Variants in UTS2 observed in about 807,000 individuals in gnomAD.
The protein encoded by UTS2 is urotensin-2.
In UTS2, 10 loss-of-function variants were observed where a neutral mutation model predicts 12.6. The observed-to-expected ratio is 0.80, with a 90% CI of 0.49 to 1.35. The LOEUF (loss-of-function observed/expected upper bound fraction) is 1.35. Ranked by LOEUF, UTS2 falls within the 40% of genes most tolerant of loss-of-function variation. The pLI is 0.00. For synonymous variants in UTS2, 52 were observed against 50.0 expected (o/e 1.04, Z -0.17); for missense variants, 142 against 143.2 (o/e 0.99, Z 0.04).
At chr1:7,857,053 T>C (rs1230125171), upstream of UTS2, among the ~76,000 whole-genome samples, 8 of 123,222 alleles carry the variant, frequency 6.5e-5, no homozygotes, top group East Asian at 1.9e-3. Context: ...AAAGGAAGAC[T>C]CTGTAGGAAA....
chr1:7,862,725 C>T, the UTS2 span, among the ~76,000 whole-genome samples: 1 of 152,108 alleles, frequency 6.6e-6, no homozygotes, highest in Non-Finnish European at 1.5e-5. Flanking sequence ...GCCCCGCACC[C>T]CAGGGAGGGC....
At chr1:7,872,385 T>C in the UTS2 span, among the ~76,000 whole-genome samples, 4 of 148,596 alleles carry the variant, frequency 2.7e-5, no homozygotes, top group Non-Finnish European at 5.9e-5. Flanking sequence ...GAAGAAGACA[T>C]GTTGAAAGCT....
chr1:7,871,619 C>G, the UTS2 span, among the ~76,000 whole-genome samples: 1 of 151,986 alleles, frequency 6.6e-6, no homozygotes, highest in Admixed American at 6.5e-5. Flanking sequence ...GTGTATCGAG[C>G]AAGTCTATCA....
chr1:7,884,840 A>C, the UTS2 span, among the ~76,000 whole-genome samples: 6,155 of 141,738 alleles, frequency 0.043, 344 homozygotes, highest in African/African-American at 0.15. Context: ...CACCCATCAT[A>C]CACCCACCAT....
In UTS2 at chr1:7,849,619, CTCATAAATAGAG is replaced by C; in HGVS notation, c.258+9_258+20del. On this transcript the variant is annotated intron_variant, in intron 3 of 3. Transcript: ENST00000361696. ...AGAATGTTCACCTTTTTAAACCTAA[CTCATAAATAGAG>C]TCACTTACCTTTCTCAAATTTCCTC... 1 of 1,599,612 alleles carries C rather than the reference CTCATAAATAGAG, an allele frequency of 6.3e-7. No homozygotes were observed. The highest frequency in any genetic ancestry group is 8.5e-7 in the Non-Finnish European group (1 of 1,172,080).
chr1:7,853,214 G>T (rs1224352534), upstream of UTS2: 2 of 1,567,822 alleles, frequency 1.3e-6, no homozygotes, highest in Admixed American at 1.8e-5. Context: ...ACAAGTCATA[G>T]ACAATAAATT....
the UTS2 span, among the ~76,000 whole-genome samples, chr1:7,862,952 A>G: frequency 6.6e-6 from 1 of 151,670 alleles, no homozygotes; most frequent in African/African-American, 2.4e-5. Context: ...AACGTTTCCA[A>G]TAAGGCCTAC....
At chr1:7,903,743 G>A in the UTS2 span, among the ~76,000 whole-genome samples, 2 of 152,250 alleles carry the variant, frequency 1.3e-5, no homozygotes, top group Non-Finnish European at 2.9e-5. Flanking sequence ...GGTTGCAGGA[G>A]TAGAAGCTTG....
the UTS2 span, among the ~76,000 whole-genome samples, chr1:7,899,118 C>T: frequency 6.6e-6 from 1 of 152,202 alleles, no homozygotes; most frequent in African/African-American, 2.4e-5. Context: ...TTTTAACAAC[C>T]AGATCTTGTG....
chr1:7,906,727 A>G, the UTS2 span, among the ~76,000 whole-genome samples: 1 of 152,158 alleles, frequency 6.6e-6, no homozygotes. Context: ...GAGAACACCA[A>G]TATGGATGCC....
chr1:7,883,901 A>ACCACC, the UTS2 span, among the ~76,000 whole-genome samples: 3 of 151,352 alleles, frequency 2.0e-5, no homozygotes, highest in Non-Finnish European at 2.9e-5. Context: ...TGCAACCTCC[A>ACCACC]CCACCCCGGT....
At chr1:7,876,112 G>T in the UTS2 span, among the ~76,000 whole-genome samples, 1 of 152,186 alleles carries the variant, frequency 6.6e-6, no homozygotes, top group Non-Finnish European at 1.5e-5. Context: ...TCAGGGGATT[G>T]ATCTGCCCCC....
At chr1:7,902,360 G>C in the UTS2 span, among the ~76,000 whole-genome samples, 1 of 152,128 alleles carries the variant, frequency 6.6e-6, no homozygotes, top group Non-Finnish European at 1.5e-5. Context: ...GGGGGAAAGC[G>C]GGAAGTCGGG....
the UTS2 span, among the ~76,000 whole-genome samples, chr1:7,899,555 G>A: frequency 9.0e-4 from 137 of 152,194 alleles, no homozygotes; most frequent in Non-Finnish European, 1.4e-3. Context: ...TGCCCAGGCT[G>A]GAGTGCAGTG....
the UTS2 span, among the ~76,000 whole-genome samples, chr1:7,868,735 C>T: frequency 1.1e-4 from 17 of 152,228 alleles, no homozygotes; most frequent in Non-Finnish European, 5.9e-5. Context: ...ATTCTGGAGG[C>T]AGTGCCATGG....
At chr1:7,878,915 A>G in the UTS2 span, among the ~76,000 whole-genome samples, 1 of 152,238 alleles carries the variant, frequency 6.6e-6, no homozygotes, top group Admixed American at 6.5e-5. Context: ...AAAAGAGACA[A>G]ATAATGTCAT....
chr1:7,898,573 T>A, the UTS2 span, among the ~76,000 whole-genome samples: 1 of 152,060 alleles, frequency 6.6e-6, no homozygotes, highest in African/African-American at 2.4e-5. Context: ...CCTCCCAGGT[T>A]CATGCCATTC....
At chr1:7,869,798 G>A in the UTS2 span, among the ~76,000 whole-genome samples, 1 of 152,228 alleles carries the variant, frequency 6.6e-6, no homozygotes, top group Non-Finnish European at 1.5e-5. Context: ...TTACCTAGGA[G>A]GTTTGATTGA....
upstream of UTS2, among the ~76,000 whole-genome samples, chr1:7,854,542 T>C (rs1478941411): frequency 8.6e-5 from 5 of 57,852 alleles, no homozygotes; most frequent in Non-Finnish European, 1.4e-4. Flanking sequence ...GAAAGAAAAG[T>C]GGTTACAACG....
Sources: allele counts gnomAD v4.1 joint callset (sites outside exome capture counted in the v4.1 genomes callset), GRCh38; gene constraint gnomAD v4.1.1; transcripts MANE v1.5; gene names NCBI Gene and HGNC (gene_info 2026-07-23, HGNC 2026-07-21).